The following ADAMTSL1 variants were observed in gnomAD, a reference collection of about 807,000 sequenced individuals.
ADAMTSL1 encodes the protein ADAMTS-like protein 1.
In ADAMTSL1, 126 loss-of-function variants were observed where a neutral mutation model predicts 201.8. That is an observed-to-expected ratio of 0.62 (90% CI 0.54 to 0.72). ADAMTSL1 has a LOEUF of 0.72. Ranked by LOEUF, ADAMTSL1 falls within the 30% of genes least tolerant of loss-of-function variation. ADAMTSL1 has a pLI of 0.00. For synonymous variants in ADAMTSL1, 1,121 were observed against 903.4 expected (o/e 1.24, Z -4.32); for missense variants, 2,679 against 2,277.8 (o/e 1.18, Z -3.59).
chr9:18,216,312 G>A (rs1472423466), intron 2 of ADAMTSL1, among the ~76,000 whole-genome samples: 1 of 152,166 alleles, frequency 6.6e-6, no homozygotes, highest in Non-Finnish European at 1.5e-5. Flanking sequence ...TAAGCATGAA[G>A]CATTGTGGTA....
chr9:18,135,110 G>C (rs1349560282), intron 1 of ADAMTSL1, among the ~76,000 whole-genome samples: 1 of 152,112 alleles, frequency 6.6e-6, no homozygotes, highest in Non-Finnish European at 1.5e-5. Flanking sequence ...TTATCTGACT[G>C]AGATATTTCA....
intron 15 of ADAMTSL1, among the ~76,000 whole-genome samples, chr9:18,728,582 G>A (rs1818038934): frequency 6.6e-6 from 1 of 152,176 alleles, no homozygotes; most frequent in African/African-American, 2.4e-5. Context: ...AGATGAAGAA[G>A]ATTTAAAAAT....
chr9:18,300,021 A>G (rs1833637543), intron 2 of ADAMTSL1, among the ~76,000 whole-genome samples: 1 of 152,198 alleles, frequency 6.6e-6, no homozygotes, highest in Non-Finnish European at 1.5e-5. Context: ...TGGGAGTGTA[A>G]ATTAGTTCAA....
chr9:18,231,776 T>C (rs993692281), intron 2 of ADAMTSL1, among the ~76,000 whole-genome samples: 21 of 152,224 alleles, frequency 1.4e-4, no homozygotes, highest in Admixed American at 1.3e-3. Flanking sequence ...GTAGCTACTC[T>C]ATCTTTCTAG....
At chr9:18,408,398 G>A (rs954757483) in intron 2 of ADAMTSL1, among the ~76,000 whole-genome samples, 2 of 152,082 alleles carry the variant, frequency 1.3e-5, no homozygotes, top group Non-Finnish European at 2.9e-5. Flanking sequence ...TTGAACCCAG[G>A]AGACAGAGGT....
At chr9:18,548,438 A>G (rs1036709927) in intron 3 of ADAMTSL1, among the ~76,000 whole-genome samples, 2 of 152,000 alleles carry the variant, frequency 1.3e-5, no homozygotes, top group African/African-American at 2.4e-5. Flanking sequence ...GATGTGCCTT[A>G]TGGAGAAAAT....
intron 2 of ADAMTSL1, among the ~76,000 whole-genome samples, chr9:18,263,996 A>G (rs1272704011): frequency 2.0e-5 from 3 of 152,180 alleles, no homozygotes; most frequent in Middle Eastern, 3.2e-3. Context: ...CAGTTCCTGG[A>G]CATTTTAATT....
chr9:18,653,112 ATT>A lies in ADAMTSL1; in HGVS notation c.835-4525_835-4524del, dbSNP rs1828399731. Among the ~76,000 whole-genome samples the A allele has an allele frequency of 1.1e-4, 16 of 152,280 alleles. No individual in the cohort carries two copies. The South Asian group carries it at 3.3e-3, about 32-fold the overall frequency. ...AACTGAGCTAATCAGAATATACTGC[ATT>A]TCTTGTTAGATTTCACACATTATTT... is the stretch of plus-strand genomic sequence containing the variant. On this transcript the variant is annotated intron_variant, in intron 7 of 28. Transcript: ENST00000380548.
rs376914949 is a variant in ADAMTSL1 at position 18,287,625 on chromosome 9, A to G, written c.207+123644A>G. ...TATATGCATATATGTATGTGTATAC[A>G]TATACGCATATATGTATGTGTATAC... On this transcript the variant is annotated intron_variant, in intron 2 of 29. Coordinates refer to the ADAMTSL1 transcript ENST00000680146. Among the ~76,000 whole-genome samples, 348 of 135,220 alleles carry G rather than the reference A, an allele frequency of 2.6e-3. 3 individuals are homozygous for G. The highest frequency in any genetic ancestry group is 8.0e-3 in the African/African-American group (308 of 38,312). The allele number at this position is 135,220 out of a possible 152,430, so 88.7% of individuals were successfully genotyped here.
At chr9:18,869,807 G>A (rs1428953327) in intron 23 of ADAMTSL1, among the ~76,000 whole-genome samples, 2 of 152,018 alleles carry the variant, frequency 1.3e-5, no homozygotes, top group African/African-American at 4.8e-5. Flanking sequence ...TAGGTGGTTT[G>A]TAAACTTTTT....
chr9:18,110,298 T>G (rs1232948729), intron 1 of ADAMTSL1, among the ~76,000 whole-genome samples: 2 of 152,170 alleles, frequency 1.3e-5, no homozygotes, highest in Non-Finnish European at 2.9e-5. Flanking sequence ...GATCATTCAG[T>G]CCTCTTCAAT....
chr9:18,665,283 T>C (rs1829363076), intron 9 of ADAMTSL1, among the ~76,000 whole-genome samples: 1 of 152,116 alleles, frequency 6.6e-6, no homozygotes, highest in African/African-American at 2.4e-5. Flanking sequence ...AGCTTCCCTA[T>C]TCTCATTATT....
intron 1 of ADAMTSL1, among the ~76,000 whole-genome samples, chr9:17,930,224 T>C (rs1040649288): frequency 5.3e-5 from 8 of 152,156 alleles, no homozygotes; most frequent in African/African-American, 1.9e-4. Flanking sequence ...GATGGAGTCA[T>C]CCACCTGGTT....
intron 1 of ADAMTSL1, among the ~76,000 whole-genome samples, chr9:17,978,322 G>A (rs1307235079): frequency 1.3e-5 from 2 of 151,892 alleles, no homozygotes; most frequent in Non-Finnish European, 2.9e-5. Flanking sequence ...ACTTACCATT[G>A]CTGTTGTGTC....
intron 2 of ADAMTSL1, among the ~76,000 whole-genome samples, chr9:18,373,934 G>A (rs1440053164): frequency 6.6e-6 from 1 of 152,118 alleles, no homozygotes; most frequent in Non-Finnish European, 1.5e-5. Context: ...GTCCTGAAAG[G>A]GATGATAGTA....
chr9:18,721,727 A>C, intron 15 of ADAMTSL1, 62 bp downstream of exon 15: 3 of 1,572,254 alleles, frequency 1.9e-6, no homozygotes, highest in Non-Finnish European at 2.6e-6. Context: ...CGCATCTTTC[A>C]GTGGGCAAGA....
chr9:17,929,715 C>G (rs1346634669), intron 1 of ADAMTSL1, among the ~76,000 whole-genome samples: 1 of 152,184 alleles, frequency 6.6e-6, no homozygotes, highest in Non-Finnish European at 1.5e-5. Context: ...GTTCATCTGT[C>G]TGGCCTGCAG....
chr9:17,971,455 C>G (rs1265885453), intron 1 of ADAMTSL1, among the ~76,000 whole-genome samples: 1 of 151,990 alleles, frequency 6.6e-6, no homozygotes, highest in Non-Finnish European at 1.5e-5. Flanking sequence ...ATCTAGGACA[C>G]AAGCAATCAT....
chr9:18,844,685 C>T (rs1049226568), intron 23 of ADAMTSL1, among the ~76,000 whole-genome samples: 3 of 152,222 alleles, frequency 2.0e-5, no homozygotes, highest in Admixed American at 2.0e-4. Flanking sequence ...CTGTGGTGGG[C>T]TCCACCCAGT....
Sources: allele counts gnomAD v4.1 joint callset (sites outside exome capture counted in the v4.1 genomes callset), GRCh38; gene constraint gnomAD v4.1.1; transcripts MANE v1.5; gene names NCBI Gene and HGNC (gene_info 2026-07-23, HGNC 2026-07-21).